Variants in CORO2B observed in about 807,000 individuals in gnomAD.
CORO2B encodes the protein coronin 2B, also known as coronin-2B.
In CORO2B, 26 loss-of-function variants were observed where a neutral mutation model predicts 58.8. The observed-to-expected ratio is 0.44, with a 90% CI of 0.32 to 0.61. The LOEUF (loss-of-function observed/expected upper bound fraction) is 0.61. Among genes scored for constraint, CORO2B ranks in the 20% least tolerant of loss-of-function variants. The probability of loss-of-function intolerance (pLI) is 0.04; values close to 1 mark genes in which losing one functional copy is unlikely to be tolerated. For synonymous variants in CORO2B, 242 were observed against 253.8 expected (o/e 0.95, Z 0.44); for missense variants, 460 against 645.1 (o/e 0.71, Z 3.11).
chr15:68,645,536 G>A lies in CORO2B; in HGVS notation c.216+176G>A, dbSNP rs1901397261. Among the ~76,000 whole-genome samples, 1 of 152,132 alleles carries A rather than the reference G, an allele frequency of 6.6e-6. No homozygotes were observed. ...TTTCCTGAGATTCAACAGAACAAGT[G>A]CAGGACCTGGATCCAGGAGACCTGA... On this transcript the variant is annotated intron_variant, in intron 2 of 11. Transcript: ENST00000261861. This position sits in a 1 kb window ranked among gnomAD's most constrained non-coding sequence, Gnocchi z 4.5.
At chr15:68,623,935 C>G (rs1900601797) in intron 1 of CORO2B, among the ~76,000 whole-genome samples, 2 of 152,280 alleles carry the variant, frequency 1.3e-5, no homozygotes, top group Non-Finnish European at 2.9e-5. Flanking sequence ...GATGCCCTTT[C>G]TAATTCCTCC....
intron 1 of CORO2B, among the ~76,000 whole-genome samples, chr15:68,640,107 A>C (rs1481514529): frequency 1.3e-5 from 2 of 152,154 alleles, no homozygotes; most frequent in Admixed American, 1.3e-4. Context: ...CCTCACAGTG[A>C]GGTCAGCTCC....
At chr15:68,616,018 T>G (rs1900347264) in intron 1 of CORO2B, among the ~76,000 whole-genome samples, 1 of 152,156 alleles carries the variant, frequency 6.6e-6, no homozygotes, top group South Asian at 2.1e-4. Context: ...CTGGGTGGTT[T>G]ACATGCAGCG....
the CORO2B span, among the ~76,000 whole-genome samples, chr15:68,561,295 C>T: frequency 4.6e-5 from 7 of 152,264 alleles, no homozygotes; most frequent in East Asian, 1.9e-4. Context: ...CTCCCAGGCA[C>T]GGTGATGCCC....
intron 2 of CORO2B, among the ~76,000 whole-genome samples, chr15:68,647,549 C>T (rs998040242): frequency 3.3e-5 from 5 of 151,768 alleles, no homozygotes; most frequent in African/African-American, 7.3e-5. Context: ...ATTAGCCAGG[C>T]GTGGTGGCAC....
the CORO2B span, among the ~76,000 whole-genome samples, chr15:68,554,041 G>C: frequency 6.6e-6 from 1 of 152,216 alleles, no homozygotes; most frequent in Non-Finnish European, 1.5e-5. Flanking sequence ...CAGTAGTCCA[G>C]AAGGAAGATG....
intron 2 of CORO2B, among the ~76,000 whole-genome samples, chr15:68,655,505 T>C (rs112770340): frequency 2.0e-5 from 3 of 152,196 alleles, no homozygotes; most frequent in African/African-American, 7.2e-5. Context: ...CAAGTCCTGA[T>C]CCCAAAAAGG....
At chr15:68,670,224 G>T (rs1902342929) in intron 2 of CORO2B, among the ~76,000 whole-genome samples, 1 of 152,102 alleles carries the variant, frequency 6.6e-6, no homozygotes, top group South Asian at 2.1e-4. Context: ...GCCCAGGCTG[G>T]AGTGCAGTGG....
At chr15:68,530,746 ACTACTT>A in the CORO2B span, among the ~76,000 whole-genome samples, 7 of 152,148 alleles carry the variant, frequency 4.6e-5, no homozygotes, top group Non-Finnish European at 1.0e-4. Flanking sequence ...TTTTCTAAAC[ACTACTT>A]CTTCTGATAC....
At chr15:68,591,547 T>C (rs561017393) in intron 1 of CORO2B, among the ~76,000 whole-genome samples, 5 of 152,314 alleles carry the variant, frequency 3.3e-5, no homozygotes, top group African/African-American at 1.2e-4. Flanking sequence ...ATTCACACTT[T>C]AGGTGGTCTG....
intron 1 of CORO2B, among the ~76,000 whole-genome samples, chr15:68,618,236 T>G (rs181994924): frequency 6.6e-6 from 1 of 152,250 alleles, no homozygotes; most frequent in Non-Finnish European, 1.5e-5. Flanking sequence ...TCATTTTTTT[T>G]AAATACTGGT....
chr15:68,624,122 A>G (rs1487474408), intron 1 of CORO2B, among the ~76,000 whole-genome samples: 2 of 152,256 alleles, frequency 1.3e-5, no homozygotes, highest in East Asian at 1.9e-4. Context: ...ATAAATGAGG[A>G]TAAAAAATAA....
At chr15:68,601,427 G>A (rs964139879) in intron 1 of CORO2B, among the ~76,000 whole-genome samples, 3 of 152,218 alleles carry the variant, frequency 2.0e-5, no homozygotes, top group Non-Finnish European at 1.5e-5. Context: ...AGGATAAAAC[G>A]GTAAGTGTGG....
chr15:68,679,416 T>G (rs1466673730), intron 2 of CORO2B, among the ~76,000 whole-genome samples: 2 of 152,060 alleles, frequency 1.3e-5, no homozygotes, highest in Non-Finnish European at 2.9e-5. Flanking sequence ...CATGGAAAGC[T>G]CACCCTTGGT....
At chr15:68,670,578 G>A (rs1040745152) in intron 2 of CORO2B, among the ~76,000 whole-genome samples, 2 of 152,148 alleles carry the variant, frequency 1.3e-5, no homozygotes, top group African/African-American at 4.8e-5. Context: ...TAATATCTCT[G>A]ATATACAAAG....
chr15:68,650,355 CTAAAAAAAAAAAAAAAAAAAAAAAAAAA>C (rs1901597703), intron 2 of CORO2B, among the ~76,000 whole-genome samples: 5 of 85,134 alleles, frequency 5.9e-5, no homozygotes, highest in African/African-American at 1.6e-4. Flanking sequence ...GAAACTCTGT[CTAAAAAAAAAAAAAAAAAAAAAAAAAAA>C]AAAAAAAAAA....
At chr15:68,676,317 G>A (rs1902584294) in intron 2 of CORO2B, among the ~76,000 whole-genome samples, 1 of 152,218 alleles carries the variant, frequency 6.6e-6, no homozygotes, top group Admixed American at 6.5e-5. Context: ...GAGTCATGAT[G>A]AGCTGCACAA....
chr15:68,633,226 G>T (rs967541296), intron 1 of CORO2B, among the ~76,000 whole-genome samples: 1 of 151,894 alleles, frequency 6.6e-6, no homozygotes, highest in Non-Finnish European at 1.5e-5. Context: ...TGAACTGGGG[G>T]AACAGAGGGC....
chr15:68,538,523 A>G, the CORO2B span, among the ~76,000 whole-genome samples: 5 of 152,272 alleles, frequency 3.3e-5, no homozygotes, highest in African/African-American at 1.2e-4. Flanking sequence ...CCACTACTGG[A>G]GTCTGCGGTG....
Sources: allele counts gnomAD v4.1 joint callset (sites outside exome capture counted in the v4.1 genomes callset), GRCh38; gene constraint gnomAD v4.1.1; non-coding constraint Gnocchi (gnomAD v3.1); transcripts MANE v1.5; gene names NCBI Gene and HGNC (gene_info 2026-07-23, HGNC 2026-07-21).